The following MARCHF1 variants were observed in gnomAD, a reference collection of about 807,000 sequenced individuals.
The protein encoded by MARCHF1 is E3 ubiquitin-protein ligase MARCHF1.
A neutral mutation model predicts 54.2 loss-of-function variants in MARCHF1; 40 were observed. That is an observed-to-expected ratio of 0.74 (90% CI 0.57 to 0.96). The LOEUF (loss-of-function observed/expected upper bound fraction) is 0.96. Among genes scored for constraint, MARCHF1 ranks in the 40% least tolerant of loss-of-function variants. The pLI is 0.00. For synonymous variants in MARCHF1, 236 were observed against 236.3 expected, an observed-to-expected ratio of 1.00 and a Z score of 0.01; for missense variants, 586 against 656.5, an observed-to-expected ratio of 0.89 and a Z score of 1.17.
rs373964790 is a variant in MARCHF1, at chr4:163,992,912, A to G, written c.-247-4203T>C. ...CACTGAGTTGGAAAAAGAATATTTC[A>G]CTACAAATCCCTGGTGAAAGGGAGG... is the stretch of plus-strand genomic sequence containing the variant. On this transcript the variant is annotated intron_variant, in intron 2 of 9. Coordinates refer to ENST00000514618, the MANE Select transcript of MARCHF1 (RefSeq NM_001394959.1). Among the ~76,000 whole-genome samples, 29 of 152,124 alleles carry G rather than the reference A, an allele frequency of 1.9e-4. No individual in the cohort carries two copies. In the East Asian group the frequency reaches 5.4e-3, roughly 28 times the overall value.
intron 1 of MARCHF1, among the ~76,000 whole-genome samples, chr4:164,143,263 G>C (rs1756597158): frequency 6.6e-6 from 1 of 151,102 alleles, no homozygotes; most frequent in African/African-American, 2.4e-5. Flanking sequence ...ATATTATCCA[G>C]GAGAACTTCC....
intron 1 of MARCHF1, among the ~76,000 whole-genome samples, chr4:164,276,968 AC>A (rs1202135125): frequency 3.1e-5 from 4 of 129,004 alleles, no homozygotes; most frequent in Non-Finnish European, 6.6e-5. Context: ...AGAGAGAGAG[AC>A]AGAGAGAGAG....
intron 4 of MARCHF1, among the ~76,000 whole-genome samples, chr4:163,715,680 T>C (rs1745235055): frequency 6.6e-6 from 1 of 152,128 alleles, no homozygotes; most frequent in Non-Finnish European, 1.5e-5. Flanking sequence ...AAAAAGATGA[T>C]GAACTAATGA....
chr4:164,290,930 G>A (rs190734144), intron 1 of MARCHF1, among the ~76,000 whole-genome samples: 2 of 151,622 alleles, frequency 1.3e-5, no homozygotes, highest in African/African-American at 4.8e-5. Flanking sequence ...TATACTACTA[G>A]TATCTTATTT....
intron 5 of MARCHF1, among the ~76,000 whole-genome samples, chr4:163,635,428 C>G (rs993310114): frequency 6.0e-5 from 9 of 150,234 alleles, no homozygotes; most frequent in Non-Finnish European, 1.3e-4. Flanking sequence ...ACCGATCCCA[C>G]AGAAATACAA....
At chr4:163,722,993 G>A (rs1006071566) in intron 4 of MARCHF1, among the ~76,000 whole-genome samples, 1 of 152,172 alleles carries the variant, frequency 6.6e-6, no homozygotes, top group African/African-American at 2.4e-5. Flanking sequence ...GCCAGTCTGT[G>A]TCTTTTAAGT....
chr4:164,138,365 G>A (rs1161584570), intron 1 of MARCHF1, among the ~76,000 whole-genome samples: 1 of 151,946 alleles, frequency 6.6e-6, no homozygotes, highest in African/African-American at 2.4e-5. Context: ...ATCTTATAGG[G>A]GAGATAAAGG....
At chr4:163,649,418 G>C (rs1742883634) in intron 5 of MARCHF1, among the ~76,000 whole-genome samples, 1 of 151,958 alleles carries the variant, frequency 6.6e-6, no homozygotes, top group Admixed American at 6.6e-5. Context: ...AAGGCTATTG[G>C]GAAAAATAAT....
At position 164,099,187 on chromosome 4, in the gene MARCHF1, C is replaced by A. The variant is rs1579531577; in HGVS notation, c.-248+12401G>T. 1.3e-5 allele frequency among the ~76,000 whole-genome samples: 2 copies of A among 152,024 alleles called. 1 individual carries two copies. The highest frequency in any genetic ancestry group is 4.2e-4 in the South Asian group (2 of 4,818). On this transcript the variant is annotated intron_variant, in intron 2 of 9. Transcript: ENST00000514618. Reference sequence around the variant, plus strand: ...TGGGGTGCTTAATCCACAGGAGACCCAGAGAATTTCAAAAATGGGATACAA... The same window carrying A: ...TGGGGTGCTTAATCCACAGGAGACCAAGAGAATTTCAAAAATGGGATACAA...
Position 164,372,031 on chromosome 4 carries a change from C to T in MARCHF1, c.-323+11839G>A, listed in dbSNP as rs1051110665. Among the ~76,000 whole-genome samples, 19 of 152,234 alleles carry T rather than the reference C, an allele frequency of 1.2e-4. No individual in the cohort carries two copies. In the East Asian group the frequency reaches 2.3e-3, roughly 19 times the overall value. Reference sequence around the variant, plus strand: ...AGGAGGTCAAGGCTGCCAGTGATGGCGCCACGGCATTCCAGCCTGGGTGAC... The same window carrying T: ...AGGAGGTCAAGGCTGCCAGTGATGGTGCCACGGCATTCCAGCCTGGGTGAC... On this transcript the variant is annotated intron_variant, in intron 1 of 9. Transcript: ENST00000514618.
At chr4:163,850,249 T>G (rs1032839925) in intron 4 of MARCHF1, among the ~76,000 whole-genome samples, 3 of 152,176 alleles carry the variant, frequency 2.0e-5, no homozygotes, top group Non-Finnish European at 2.9e-5. Context: ...GGGTCCTAGA[T>G]CCACAGGATC....
chr4:164,063,859 A>G (rs769712454), intron 2 of MARCHF1, among the ~76,000 whole-genome samples: 1 of 152,196 alleles, frequency 6.6e-6, no homozygotes, highest in Non-Finnish European at 1.5e-5. Context: ...AAAGGGGTCC[A>G]GTTCCAATCT....
chr4:163,895,426 G>C (rs1342850918), intron 3 of MARCHF1, among the ~76,000 whole-genome samples: 1 of 152,196 alleles, frequency 6.6e-6, no homozygotes, highest in Non-Finnish European at 1.5e-5. Context: ...TTTGGCAGAT[G>C]ATAAGCACCA....
intron 1 of MARCHF1, among the ~76,000 whole-genome samples, chr4:164,217,907 A>G (rs953291057): frequency 2.0e-5 from 3 of 152,064 alleles, no homozygotes; most frequent in Admixed American, 1.3e-4. Context: ...TTATAACAAA[A>G]AGAGAGAGAG....
At chr4:164,114,032 C>T (rs1755889780) in intron 1 of MARCHF1, among the ~76,000 whole-genome samples, 1 of 151,868 alleles carries the variant, frequency 6.6e-6, no homozygotes, top group Non-Finnish European at 1.5e-5. Context: ...TCCACTGGGA[C>T]TTATAAAGGA....
intron 3 of MARCHF1, among the ~76,000 whole-genome samples, chr4:163,871,670 G>A (rs540916175): frequency 3.9e-5 from 6 of 152,096 alleles, no homozygotes; most frequent in Admixed American, 2.6e-4. Flanking sequence ...GATACCAGAC[G>A]TAAAAAGCAA....
intron 3 of MARCHF1, among the ~76,000 whole-genome samples, chr4:163,955,730 T>TGG (rs1752219871): frequency 6.6e-6 from 1 of 152,140 alleles, no homozygotes; most frequent in Non-Finnish European, 1.5e-5. Context: ...TGCAATAGAT[T>TGG]GTGACCCTCT....
At chr4:164,153,893 T>G (rs1730008658) in intron 1 of MARCHF1, among the ~76,000 whole-genome samples, 1 of 152,186 alleles carries the variant, frequency 6.6e-6, no homozygotes. Context: ...TTAATGACTT[T>G]TCTTTGAAGT....
chr4:163,570,331 C>G (rs938170500), intron 8 of MARCHF1, among the ~76,000 whole-genome samples: 2 of 152,010 alleles, frequency 1.3e-5, no homozygotes, highest in African/African-American at 4.8e-5. Context: ...ATGGGAGAGA[C>G]AATAATATCA....
Sources: allele counts gnomAD v4.1 joint callset (sites outside exome capture counted in the v4.1 genomes callset), GRCh38; gene constraint gnomAD v4.1.1; transcripts MANE v1.5; gene names NCBI Gene and HGNC (gene_info 2026-07-23, HGNC 2026-07-21).